Variants in PCDHGA2 observed in about 807,000 individuals in gnomAD.
PCDHGA2 encodes the protein protocadherin gamma subfamily A, 2.
In PCDHGA2, 40 loss-of-function variants were observed where a neutral mutation model predicts 59.2. The ratio of observed to expected loss-of-function variants is 0.68; its 90% CI spans 0.52 to 0.88. The LOEUF is 0.88. PCDHGA2 is among the 40% of genes least tolerant of loss of function. The pLI is 0.00. For missense variants in PCDHGA2, 1,226 were observed against 1,204.0 expected (o/e 1.02, Z -0.27); for synonymous variants, 560 against 526.0 (o/e 1.06, Z -0.89).
intron 1 of PCDHGA2, chr5:141,345,268 G>T (rs759071710): frequency 1.2e-5 from 19 of 1,613,786 alleles, no homozygotes; most frequent in Non-Finnish European, 8.5e-6. Flanking sequence ...TCCCTGGACC[G>T]CGAACAAATA....
chr5:141,356,416 ACAC>A, intron 1 of PCDHGA2: 6 of 1,603,068 alleles, frequency 3.7e-6, no homozygotes, highest in Non-Finnish European at 5.1e-6. Context: ...TCGGTTGTTG[ACAC>A]ACAGAACACT....
intron 1 of PCDHGA2, among the ~76,000 whole-genome samples, chr5:141,457,931 T>G (rs1335457669): frequency 6.6e-6 from 1 of 152,184 alleles, no homozygotes; most frequent in Non-Finnish European, 1.5e-5. Context: ...CCAAGGGGCT[T>G]TTATTGGCTC....
chr5:141,340,636 G>C lies in PCDHGA2; in HGVS notation c.1665G>C (p.Gln555His). The change falls in exon 1 of 4, where the codon CAG (glutamine) becomes CAC (histidine). Residue 555 changes from glutamine to histidine, a missense_variant. Transcript: ENST00000394576. ...NVSLSLFVLD[Q>H]NDNAPEILYP... ...CATTAAGCCTGTTCGTGCTGGACCA[G>C]AACGACAACGCGCCCGAGATCCTGT... The C allele has an allele frequency of 6.2e-7, 1 of 1,614,230 alleles. No individual in the cohort carries two copies.
intron 1 of PCDHGA2, chr5:141,394,006 T>C (rs753433160): frequency 3.1e-6 from 5 of 1,613,358 alleles, no homozygotes; most frequent in Non-Finnish European, 3.4e-6. Context: ...GAAAAGTCAA[T>C]AGGTAATTAT....
chr5:141,378,136 C>T (rs1774655700), intron 1 of PCDHGA2: 1 of 152,158 alleles, frequency 6.6e-6, no homozygotes, highest in Admixed American at 6.5e-5. Context: ...TTGACATCAC[C>T]ATTATTATAA....
chr5:141,449,693 G>A (rs2098652097), intron 1 of PCDHGA2, among the ~76,000 whole-genome samples: 1 of 150,164 alleles, frequency 6.7e-6, no homozygotes, highest in South Asian at 2.1e-4. Flanking sequence ...TTGTGTGTAT[G>A]TACACAAACA....
At chr5:141,438,290 A>G (rs1043285243) in intron 1 of PCDHGA2, among the ~76,000 whole-genome samples, 5 of 152,074 alleles carry the variant, frequency 3.3e-5, no homozygotes, top group East Asian at 3.9e-4. Flanking sequence ...TTTAATCTGT[A>G]TGTAAAAGAA....
At chr5:141,410,005 C>T (rs1009148964) in intron 1 of PCDHGA2, 16 of 1,613,172 alleles carry the variant, frequency 9.9e-6, no homozygotes, top group Non-Finnish European at 1.3e-5. Context: ...CGGGACACAA[C>T]GCCTGGCTGT....
At chr5:141,389,538 G>C (rs772693461) in intron 1 of PCDHGA2, 1 of 1,613,186 alleles carries the variant, frequency 6.2e-7, no homozygotes, top group African/African-American at 1.3e-5. Flanking sequence ...GTTAGTGGAC[G>C]ACCGCAACGA....
chr5:141,389,990 C>T (rs2091998485), intron 1 of PCDHGA2: 3 of 1,614,044 alleles, frequency 1.9e-6, no homozygotes, highest in Non-Finnish European at 8.5e-7. Context: ...TGCTCTTCCT[C>T]GTGGCCATGA....
chr5:141,501,304 C>T (rs1005430489), intron 2 of PCDHGA2, among the ~76,000 whole-genome samples: 104 of 151,340 alleles, frequency 6.9e-4, no homozygotes, highest in African/African-American at 2.2e-3. Flanking sequence ...CACACACACA[C>T]ACACACACAC....
intron 1 of PCDHGA2, among the ~76,000 whole-genome samples, chr5:141,448,434 G>A (rs2098588755): frequency 1.3e-5 from 2 of 152,052 alleles, no homozygotes; most frequent in Non-Finnish European, 2.9e-5. Context: ...TATATATTGA[G>A]AAGTCTGACT....
At chr5:141,375,396 T>C (rs962120197) in intron 1 of PCDHGA2, 56 of 1,613,744 alleles carry the variant, frequency 3.5e-5, no homozygotes, top group Non-Finnish European at 4.6e-5. Context: ...GAAACAATCA[T>C]CTCTCTAAAT....
chr5:141,484,757 T>C (rs2099600412), intron 1 of PCDHGA2, among the ~76,000 whole-genome samples: 1 of 151,626 alleles, frequency 6.6e-6, no homozygotes, highest in East Asian at 1.9e-4. Flanking sequence ...AATGTATATA[T>C]ATATATATGT....
chr5:141,421,923 G>T (rs2096611568), intron 1 of PCDHGA2: 1 of 1,613,590 alleles, frequency 6.2e-7, no homozygotes. Flanking sequence ...TTCGTGTGGT[G>T]GTCCTCGATG....
chr5:141,413,524 A>T lies in PCDHGA2; in HGVS notation c.2424+72129A>T, dbSNP rs772774054. The T allele has an allele frequency of 9.3e-6, 15 of 1,613,856 alleles. No individual in the cohort carries two copies. In the Admixed American group the frequency reaches 2.5e-4, roughly 27 times the overall value. ...GAGTTTTAATATCCTTGTGGAAGACAGGGTGAAACTTTTTGGGATAGAAAT... is the reference window on the plus strand; with the variant it reads ...GAGTTTTAATATCCTTGTGGAAGACTGGGTGAAACTTTTTGGGATAGAAAT... On this transcript the variant is annotated intron_variant, in intron 1 of 3. Coordinates refer to ENST00000394576, the MANE Select transcript of PCDHGA2 (RefSeq NM_018915.4).
At chr5:141,413,195 G>T (rs771456948) in intron 1 of PCDHGA2, 1 of 1,610,846 alleles carries the variant, frequency 6.2e-7, no homozygotes, top group South Asian at 1.1e-5. Context: ...CAAAGGAATC[G>T]CTCAAAGGAA....
intron 1 of PCDHGA2, chr5:141,357,263 G>A (rs2149795204): frequency 1.9e-6 from 3 of 1,613,814 alleles, no homozygotes; most frequent in East Asian, 4.5e-5. Context: ...GACGACTCGG[G>A]CCTCACACTC....
At chr5:141,389,582 T>G (rs1266016569) in intron 1 of PCDHGA2, 7 of 1,613,028 alleles carry the variant, frequency 4.3e-6, no homozygotes, top group Non-Finnish European at 5.1e-6. Flanking sequence ...CCGCGCTGGG[T>G]CCCGACGGCT....
Sources: gnomAD v4.1 joint callset for allele counts (sites outside exome capture counted in the v4.1 genomes callset) on GRCh38, gnomAD v4.1.1 for gene constraint, MANE v1.5 for transcripts, NCBI Gene and HGNC (gene_info 2026-07-23, HGNC 2026-07-21) for gene names.